COP1: variants seen among roughly 807,000 people sequenced by gnomAD.
The protein encoded by COP1 is E3 ubiquitin-protein ligase COP1.
COP1 carries 24 observed loss-of-function variants against 101.3 expected under a neutral mutation model. The ratio of observed to expected loss-of-function variants is 0.24; its 90% CI spans 0.17 to 0.33. The LOEUF is 0.33. Among genes scored for constraint, COP1 ranks in the 10% least tolerant of loss-of-function variants. COP1 has a pLI of 1.00. For synonymous variants in COP1, 347 were observed against 341.9 expected (o/e 1.01, Z -0.17); for missense variants, 663 against 906.2 (o/e 0.73, Z 3.45).
chr1:176,100,914 A>C (rs1387177524), intron 9 of COP1, among the ~76,000 whole-genome samples: 2 of 152,150 alleles, frequency 1.3e-5, no homozygotes, highest in Non-Finnish European at 2.9e-5. Context: ...GCTTTGGGTC[A>C]AAGCCCTAGG....
chr1:176,206,523 G>A (rs763721206), intron 1 of COP1, 49 bp downstream of exon 1: 2 of 1,584,252 alleles, frequency 1.3e-6, no homozygotes, highest in Non-Finnish European at 1.7e-6. Context: ...AGCCTAAGCG[G>A]CAGAAACTCA....
At chr1:176,173,687 T>C (rs1240398327) in intron 3 of COP1, among the ~76,000 whole-genome samples, 2 of 150,368 alleles carry the variant, frequency 1.3e-5, no homozygotes, top group Admixed American at 6.6e-5. Context: ...ATTAGATACA[T>C]ATATTTGAGA....
intron 8 of COP1, among the ~76,000 whole-genome samples, chr1:176,118,838 C>A (rs1162137185): frequency 1.3e-5 from 2 of 152,058 alleles, no homozygotes; most frequent in African/African-American, 2.4e-5. Context: ...GGATAACCCC[C>A]AAATACTCTG....
chr1:175,947,104 C>T, intron 19 of COP1, 91 bp downstream of exon 19: 1 of 900,560 alleles, frequency 1.1e-6, no homozygotes, highest in Non-Finnish European at 1.8e-6. Context: ...GGGATGATCT[C>T]TAAGGCTCAG....
At chr1:176,158,457 C>T (rs544874898) in intron 5 of COP1, among the ~76,000 whole-genome samples, 24 of 151,794 alleles carry the variant, frequency 1.6e-4, no homozygotes, top group Non-Finnish European at 2.8e-4. Context: ...ATAAAGGACA[C>T]CAGAAATGGT....
rs184293056 is a variant in COP1, at chr1:176,048,520, T to C, written c.1278-2196A>G. ...GGATTTTAATGCACCATAACTATAA[T>C]GATGACAACTATTCATCTATCCCAA... On this transcript the variant is annotated intron_variant, in intron 11 of 19. Coordinates refer to ENST00000367669, the MANE Select transcript of COP1 (RefSeq NM_022457.7). Among the ~76,000 whole-genome samples the C allele has an allele frequency of 5.1e-4, 78 of 152,300 alleles. 1 individual carries two copies. Among genetic ancestry groups the C allele is most frequent in the Non-Finnish European group, 6.6e-4 (45 of 68,018 alleles).
chr1:175,955,109 T>C (rs1650450813), intron 18 of COP1, among the ~76,000 whole-genome samples: 1 of 151,964 alleles, frequency 6.6e-6, no homozygotes, highest in African/African-American at 2.4e-5. Flanking sequence ...TAGATGGGTG[T>C]GGTGGCATGC....
intron 11 of COP1, among the ~76,000 whole-genome samples, chr1:176,078,932 C>G (rs1295146762): frequency 1.3e-5 from 2 of 151,850 alleles, no homozygotes; most frequent in Non-Finnish European, 2.9e-5. Flanking sequence ...AAATCAAAAC[C>G]AGGATGAGAT....
Position 176,081,192 on chromosome 1 carries a change from A to G in COP1, c.1237T>C (p.Tyr413His). The G allele has an allele frequency of 6.2e-7, 1 of 1,611,224 alleles. No individual in the cohort carries two copies. The highest frequency in any genetic ancestry group is 8.5e-7 in the Non-Finnish European group (1 of 1,178,054). ...GAACCATTATAGAGATCACTAGCATATGACAATGTGGCTAAAGGTCGTACT... is the reference window on the plus strand; with the variant it reads ...GAACCATTATAGAGATCACTAGCATGTGACAATGTGGCTAAAGGTCGTACT... ...NSVRPLATLSYASDLYNGSSI... is the reference protein window; with the variant it reads ...NSVRPLATLSHASDLYNGSSI... Residue 413 changes from tyrosine to histidine, a missense_variant, in exon 11 of 20, where the codon TAT (tyrosine) becomes CAT (histidine). Tyr to His is a moderately conservative substitution (Grantham distance 83, BLOSUM62 2). Transcript: ENST00000367669.
chr1:176,136,369 A>G, intron 7 of COP1, 119 bp downstream of exon 7: 2 of 484,634 alleles, frequency 4.1e-6, no homozygotes, highest in South Asian at 4.9e-5. Context: ...TGAAAGTAAC[A>G]GCTGTTACTT....
At chr1:175,946,897 G>T (rs1252551692) in intron 19 of COP1, among the ~76,000 whole-genome samples, 1 of 152,178 alleles carries the variant, frequency 6.6e-6, no homozygotes, top group African/African-American at 2.4e-5. Flanking sequence ...AGTTGTACTG[G>T]CATAACAGAA....
At chr1:176,020,529 T>C (rs1221086676) in intron 15 of COP1, among the ~76,000 whole-genome samples, 2 of 151,876 alleles carry the variant, frequency 1.3e-5, no homozygotes, top group East Asian at 3.9e-4. Flanking sequence ...ACTAGAAAGA[T>C]TAGCCAGGCG....
chr1:176,131,885 T>A (rs547921690), intron 8 of COP1, among the ~76,000 whole-genome samples: 2 of 151,928 alleles, frequency 1.3e-5, no homozygotes, highest in East Asian at 3.9e-4. Context: ...TTGAAGAAAA[T>A]ACTGTTTGCC....
chr1:175,945,176 T>TG lies in COP1; in HGVS notation c.2179-7dup, dbSNP rs763330332. ...CTTCATACCAATTCTAGCACCTAATTGGGGGGAAAAAAGGATCCATTTAAT... is the reference window on the plus strand; with the variant it reads ...CTTCATACCAATTCTAGCACCTAATTGGGGGGGAAAAAAGGATCCATTTAAT... On this transcript the variant is annotated splice_region_variant and splice_polypyrimidine_tract_variant and intron_variant, in intron 19 of 19. Transcript: ENST00000367669. 6.9e-5 allele frequency: 109 copies of TG among 1,568,612 alleles called. No homozygotes were observed. Among genetic ancestry groups the TG allele is most frequent in the Non-Finnish European group, 8.2e-5 (94 of 1,148,140 alleles).
rs75123029 is a variant in COP1, at chr1:176,082,156, G to A, written c.1142-869C>T. Among the ~76,000 whole-genome samples, 18 of 152,226 alleles carry A rather than the reference G, an allele frequency of 1.2e-4. No individual in the cohort carries two copies. The East Asian group carries it at 1.9e-3, about 16-fold the overall frequency. On this transcript the variant is annotated intron_variant, in intron 10 of 19. Coordinates refer to ENST00000367669, the MANE Select transcript of COP1 (RefSeq NM_022457.7). Reference sequence around the variant, plus strand: ...AATCATTGCTTTTCAGCACTGTGTCGTTTGAACATATACTTTCCTTTCTGA... The same window carrying A: ...AATCATTGCTTTTCAGCACTGTGTCATTTGAACATATACTTTCCTTTCTGA...
chr1:176,152,789 A>G (rs1572555273), intron 5 of COP1, among the ~76,000 whole-genome samples: 1 of 152,152 alleles, frequency 6.6e-6, no homozygotes, highest in African/African-American at 2.4e-5. Flanking sequence ...TGTTTCCCCT[A>G]CTTGGGTTCA....
chr1:176,088,160 G>T (rs1168591473), intron 9 of COP1, among the ~76,000 whole-genome samples: 1 of 151,898 alleles, frequency 6.6e-6, no homozygotes, highest in African/African-American at 2.4e-5. Context: ...TGTAAATGAC[G>T]AGTTAACGGG....
chr1:176,023,829 A>G (rs1667214042), intron 15 of COP1, among the ~76,000 whole-genome samples: 1 of 152,210 alleles, frequency 6.6e-6, no homozygotes, highest in South Asian at 2.1e-4. Flanking sequence ...CAGTTTCTCT[A>G]ATGAATTCTA....
chr1:176,167,300 A>G (rs1695290809), intron 3 of COP1, among the ~76,000 whole-genome samples: 1 of 152,214 alleles, frequency 6.6e-6, no homozygotes, highest in Non-Finnish European at 1.5e-5. Context: ...TTAGCAGAAG[A>G]CATCAGCTAG....
Sources: gnomAD v4.1 joint callset for allele counts (sites outside exome capture counted in the v4.1 genomes callset) on GRCh38, gnomAD v4.1.1 for gene constraint, MANE v1.5 for transcripts, NCBI Gene and HGNC (gene_info 2026-07-23, HGNC 2026-07-21) for gene names.